Variants in ARNT2 observed in about 807,000 individuals in gnomAD.
The protein encoded by ARNT2 is ARNT protein 2.
In ARNT2, 36 loss-of-function variants were observed where a neutral mutation model predicts 91.7. That is an observed-to-expected ratio of 0.39 (90% CI 0.30 to 0.52). The LOEUF is 0.52. Ranked by LOEUF, ARNT2 falls within the 20% of genes least tolerant of loss-of-function variation. The pLI is 0.72. For missense variants in ARNT2, 775 were observed against 939.3 expected, an observed-to-expected ratio of 0.83 and a Z score of 2.29; for synonymous variants, 365 against 347.1, an observed-to-expected ratio of 1.05 and a Z score of -0.57.
intron 12 of ARNT2, among the ~76,000 whole-genome samples, chr15:80,564,899 T>G (rs1386872146): frequency 1.3e-5 from 2 of 149,800 alleles, no homozygotes; most frequent in African/African-American, 4.9e-5. Flanking sequence ...GTGTCATTTA[T>G]GTACCACATT....
Position 80,593,794 on chromosome 15 carries a change from C to T in ARNT2, c.*96C>T. 3.5e-6 allele frequency: 4 copies of T among 1,137,518 alleles called. No individual in the cohort carries two copies. In the South Asian group the frequency reaches 5.6e-5, roughly 16 times the overall value. The allele number at this position is 1,137,518 out of a possible 1,614,324, so 70.5% of individuals were successfully genotyped here. The stretch of plus-strand genomic sequence containing the variant: ...GCCCACCCTCGCCCTGCTTGCCCTG[C>T]CGCAGGCCCCCCACCAGAAGCCATC... On this transcript the variant is annotated 3_prime_UTR_variant, in exon 19 of 19. Coordinates refer to ENST00000303329, the MANE Select transcript of ARNT2 (RefSeq NM_014862.4).
intron 17 of ARNT2, among the ~76,000 whole-genome samples, chr15:80,582,740 G>T (rs1442361339): frequency 6.6e-6 from 1 of 152,192 alleles, no homozygotes; most frequent in Non-Finnish European, 1.5e-5. Context: ...CTGGAACCCA[G>T]TTTAGAAGCA....
chr15:80,552,887 G>A (rs1898108355), intron 10 of ARNT2, 113 bp downstream of exon 10: 1 of 1,364,278 alleles, frequency 7.3e-7, no homozygotes, highest in African/African-American at 1.4e-5. Flanking sequence ...ACATCATAAA[G>A]ACCCATATAC....
At chr15:80,439,141 A>T (rs911275434) in intron 1 of ARNT2, among the ~76,000 whole-genome samples, 2 of 152,136 alleles carry the variant, frequency 1.3e-5, no homozygotes, top group African/African-American at 2.4e-5. Flanking sequence ...TGACTGGGAG[A>T]GTTCAAAATA....
intron 17 of ARNT2, 111 bp downstream of exon 17, chr15:80,581,515 T>C (rs1898797716): frequency 7.0e-7 from 1 of 1,425,822 alleles, no homozygotes; most frequent in South Asian, 1.3e-5. Context: ...AAACAAGGTC[T>C]GGAGGTTTCC....
chr15:80,562,690 T>G (rs1232406025), intron 11 of ARNT2, among the ~76,000 whole-genome samples: 1 of 152,036 alleles, frequency 6.6e-6, no homozygotes, highest in East Asian at 1.9e-4. Context: ...TGTAGCTACA[T>G]ACCTGAGTGA....
Position 80,593,750 on chromosome 15 carries a change from C to A in ARNT2, c.*52C>A. 1 of 1,505,156 alleles carries A rather than the reference C, an allele frequency of 6.6e-7. No homozygotes were observed. Among genetic ancestry groups the A allele is most frequent in the Non-Finnish European group, 9.1e-7 (1 of 1,102,582 alleles). 93.2% of individuals were successfully genotyped at this position (1,505,156 alleles called of 1,614,324 possible). On this transcript the variant is annotated 3_prime_UTR_variant, in exon 19 of 19. Coordinates refer to ENST00000303329, the MANE Select transcript of ARNT2 (RefSeq NM_014862.4). Reference sequence around the variant, plus strand: ...TACAGTGCCACCCATACTGTGATGTCGATGCCCATGTGAATGAGGCCCACC... The same window carrying A: ...TACAGTGCCACCCATACTGTGATGTAGATGCCCATGTGAATGAGGCCCACC...
At chr15:80,532,882 G>A (rs183165718) in intron 8 of ARNT2, among the ~76,000 whole-genome samples, 1 of 152,346 alleles carries the variant, frequency 6.6e-6, no homozygotes, top group Non-Finnish European at 1.5e-5. Context: ...CTCAAATATG[G>A]TCAAGTCTGT....
At chr15:80,444,332 G>T (rs934624035) in intron 1 of ARNT2, 8 of 153,126 alleles carry the variant, frequency 5.2e-5, no homozygotes, top group Middle Eastern at 1.1e-3. Flanking sequence ...GGGGTGGGCG[G>T]TGTGTGTGGT....
chr15:80,593,250 T>C (rs1256341303), intron 18 of ARNT2, among the ~76,000 whole-genome samples: 1 of 152,242 alleles, frequency 6.6e-6, no homozygotes, highest in Non-Finnish European at 1.5e-5. Flanking sequence ...CTCTTATATT[T>C]TGGCCATCTG....
intron 4 of ARNT2, among the ~76,000 whole-genome samples, chr15:80,472,371 G>A (rs946489013): frequency 6.6e-6 from 1 of 152,150 alleles, no homozygotes; most frequent in Non-Finnish European, 1.5e-5. Context: ...AGGGAAGAGT[G>A]TGTACAGAAC....
At chr15:80,520,954 G>A (rs945451785) in intron 8 of ARNT2, among the ~76,000 whole-genome samples, 1 of 152,146 alleles carries the variant, frequency 6.6e-6, no homozygotes, top group Non-Finnish European at 1.5e-5. Flanking sequence ...GGAAACAAAA[G>A]ACATTCTATT....
At chr15:80,407,842 TAAG>T (rs1198904579) in intron 1 of ARNT2, among the ~76,000 whole-genome samples, 12 of 152,334 alleles carry the variant, frequency 7.9e-5, no homozygotes, top group African/African-American at 2.9e-4. Context: ...ATGGCACAAT[TAAG>T]AAGGAGATTG....
chr15:80,540,080 C>A (rs755064433), intron 8 of ARNT2, among the ~76,000 whole-genome samples: 6 of 152,102 alleles, frequency 3.9e-5, no homozygotes, highest in Non-Finnish European at 5.9e-5. Context: ...AAAGAGATAT[C>A]TATGCCCCCA....
At chr15:80,537,803 C>T (rs1253724823) in intron 8 of ARNT2, among the ~76,000 whole-genome samples, 1 of 152,242 alleles carries the variant, frequency 6.6e-6, no homozygotes, top group Admixed American at 6.5e-5. Context: ...GGGGAGCCCT[C>T]TCCTGCCCCA....
chr15:80,481,860 T>C (rs1896895945), intron 5 of ARNT2, among the ~76,000 whole-genome samples: 1 of 152,228 alleles, frequency 6.6e-6, no homozygotes, highest in South Asian at 2.1e-4. Context: ...CATCCTCCCA[T>C]GTAGCTGGGA....
In ARNT2 at chr15:80,404,837, T is replaced by A. The variant is rs1024279989; in HGVS notation, c.31+291T>A. 1.3e-5 allele frequency among the ~76,000 whole-genome samples: 2 copies of A among 152,128 alleles called. No homozygotes were observed. Among genetic ancestry groups the A allele is most frequent in the Non-Finnish European group, 2.9e-5 (2 of 67,976 alleles). On this transcript the variant is annotated intron_variant, in intron 1 of 18. Transcript: ENST00000303329. The surrounding 1 kb of genome is among the most constrained non-coding windows in gnomAD (Gnocchi z 5.5). ...AGGGCAGGCCCGGGAGCCCCCGAAGTTCTGAAAATAACCGCCTTTGCCTTC... is the reference window on the plus strand; with the variant it reads ...AGGGCAGGCCCGGGAGCCCCCGAAGATCTGAAAATAACCGCCTTTGCCTTC...
Position 80,475,065 on chromosome 15 carries a change from C to A in ARNT2, c.464C>A (p.Ala155Asp), listed in dbSNP as rs1440002900. The change falls in exon 5 of 19, where the codon GCT becomes GAT. Residue 155 changes from alanine (A) to aspartate (D), a missense_variant. This residue lies in a region of ARNT2 where 83 missense variants were observed against 149.4 expected (regional missense o/e 0.56). Coordinates refer to ENST00000303329, the MANE Select transcript of ARNT2 (RefSeq NM_014862.4). Reference sequence around the variant, plus strand: ...GATGGATTTCTGTTTGTGGTGGCTGCTGAGACAGGGCGAGTGATTTATGTG... The same window carrying A: ...GATGGATTTCTGTTTGTGGTGGCTGATGAGACAGGGCGAGTGATTTATGTG... ...AADGFLFVVA[A>D]ETGRVIYVSD... is the part of the protein sequence containing the mutation. 42 of 1,614,048 alleles carry A rather than the reference C, an allele frequency of 2.6e-5. No individual in the cohort carries two copies. The highest frequency in any genetic ancestry group is 3.6e-5 in the Non-Finnish European group (42 of 1,180,032).
intron 8 of ARNT2, among the ~76,000 whole-genome samples, chr15:80,532,243 A>T (rs1446126912): frequency 1.3e-5 from 2 of 152,126 alleles, no homozygotes; most frequent in Non-Finnish European, 2.9e-5. Context: ...AGGATGTCTG[A>T]GTCAGGACAC....
Sources: allele counts gnomAD v4.1 joint callset (sites outside exome capture counted in the v4.1 genomes callset), GRCh38; gene constraint gnomAD v4.1.1; regional missense constraint gnomAD v4.1.1; non-coding constraint Gnocchi (gnomAD v3.1); transcripts MANE v1.5; gene names NCBI Gene and HGNC (gene_info 2026-07-23, HGNC 2026-07-21).